CAMKMT: variants seen among roughly 807,000 people sequenced by gnomAD.
CAMKMT encodes the protein CaM KMT.
Under a neutral mutation model 48.0 loss-of-function variants are expected in CAMKMT, and 53 were observed. The ratio of observed to expected loss-of-function variants is 1.10; its 90% CI spans 0.89 to 1.39. The LOEUF (loss-of-function observed/expected upper bound fraction) is 1.39. CAMKMT is among the 40% of genes most tolerant of loss of function. The pLI is 0.00. For missense variants in CAMKMT, 428 were observed against 402.7 expected (o/e 1.06, Z -0.54); for synonymous variants, 165 against 152.3 (o/e 1.08, Z -0.61).
At chr2:44,763,058 C>T (rs766059505) in intron 9 of CAMKMT, among the ~76,000 whole-genome samples, 2 of 152,256 alleles carry the variant, frequency 1.3e-5, no homozygotes, top group East Asian at 1.9e-4. Flanking sequence ...CCCCCTGTGA[C>T]GTGTTCTCTC....
chr2:44,649,763 C>G (rs1220423005), intron 3 of CAMKMT, among the ~76,000 whole-genome samples: 1 of 152,226 alleles, frequency 6.6e-6, no homozygotes, highest in Non-Finnish European at 1.5e-5. Context: ...CATTCCTGCT[C>G]TCCTGTCCTT....
intron 3 of CAMKMT, chr2:44,631,732 C>T: frequency 5.2e-6 from 2 of 381,224 alleles, no homozygotes; most frequent in Non-Finnish European, 9.3e-6. Flanking sequence ...TTTAAGTTTA[C>T]TATCTTGCTA....
intron 3 of CAMKMT, among the ~76,000 whole-genome samples, chr2:44,394,392 T>G (rs1376479122): frequency 6.6e-6 from 1 of 150,526 alleles, no homozygotes; most frequent in African/African-American, 2.5e-5. Context: ...GTGACAGTGG[T>G]GATTTTTGTT....
At chr2:44,627,912 C>A (rs1343935865) in intron 3 of CAMKMT, among the ~76,000 whole-genome samples, 1 of 151,830 alleles carries the variant, frequency 6.6e-6, no homozygotes, top group African/African-American at 2.4e-5. Context: ...GTTGGCCAGG[C>A]TGGTCTCTAA....
chr2:44,452,097 T>G (rs1351951641), intron 3 of CAMKMT, among the ~76,000 whole-genome samples: 2 of 151,984 alleles, frequency 1.3e-5, no homozygotes, highest in South Asian at 2.1e-4. Context: ...TTTAAAAAGC[T>G]AACTTAGGCA....
intron 3 of CAMKMT, among the ~76,000 whole-genome samples, chr2:44,593,947 G>A (rs1279157977): frequency 1.3e-5 from 2 of 151,930 alleles, no homozygotes. Flanking sequence ...ATTTTTAGTA[G>A]GGATGGGGTT....
intron 3 of CAMKMT, among the ~76,000 whole-genome samples, chr2:44,625,642 A>G (rs1672439774): frequency 6.6e-6 from 1 of 152,122 alleles, no homozygotes; most frequent in Non-Finnish European, 1.5e-5. Context: ...TTAAAGCTTT[A>G]GCATTTATGT....
At chr2:44,707,191 A>C (rs926369488) in intron 5 of CAMKMT, among the ~76,000 whole-genome samples, 2 of 152,108 alleles carry the variant, frequency 1.3e-5, no homozygotes, top group African/African-American at 4.8e-5. Flanking sequence ...ATAGCAAGAT[A>C]GAGGCTCCCG....
intron 3 of CAMKMT, among the ~76,000 whole-genome samples, chr2:44,703,757 A>G (rs926867626): frequency 1.4e-5 from 2 of 145,864 alleles, no homozygotes; most frequent in African/African-American, 2.6e-5. Context: ...CAGCCTGGCG[A>G]CAGAGCAAGA....
intron 3 of CAMKMT, among the ~76,000 whole-genome samples, chr2:44,500,785 G>A (rs766068208): frequency 1.0e-4 from 15 of 150,592 alleles, no homozygotes; most frequent in Non-Finnish European, 2.1e-4. Flanking sequence ...GGATTCAAAC[G>A]ATTCTCCTGC....
In CAMKMT at chr2:44,699,744, C is replaced by A. The variant is rs375345136; in HGVS notation, c.377-4539C>A. Among the ~76,000 whole-genome samples, 15 of 152,180 alleles carry A rather than the reference C, an allele frequency of 9.9e-5. No homozygotes were observed. The South Asian group carries it at 2.9e-3, about 30-fold the overall frequency. On this transcript the variant is annotated intron_variant, in intron 3 of 10. Coordinates refer to ENST00000378494, the MANE Select transcript of CAMKMT (RefSeq NM_024766.5). ...TCCTTCCTCGCCCTCCTGAGTAGCCCGATAGGCACCTGCCACTGAGCCAGG... is the reference window on the plus strand; with the variant it reads ...TCCTTCCTCGCCCTCCTGAGTAGCCAGATAGGCACCTGCCACTGAGCCAGG...
intron 6 of CAMKMT, among the ~76,000 whole-genome samples, chr2:44,707,849 G>A (rs1001905827): frequency 2.6e-5 from 4 of 152,108 alleles, no homozygotes; most frequent in African/African-American, 9.7e-5. Flanking sequence ...CCAGCTTCAT[G>A]TTTGTTATTA....
At chr2:44,495,258 C>A (rs888067300) in intron 3 of CAMKMT, among the ~76,000 whole-genome samples, 1 of 152,004 alleles carries the variant, frequency 6.6e-6, no homozygotes, top group Non-Finnish European at 1.5e-5. Flanking sequence ...CTCCTGCCTA[C>A]GCCTCCTGAG....
At chr2:44,747,659 T>A (rs1679977264) in intron 8 of CAMKMT, among the ~76,000 whole-genome samples, 1 of 152,230 alleles carries the variant, frequency 6.6e-6, no homozygotes, top group Non-Finnish European at 1.5e-5. Flanking sequence ...GGTCTTCCTT[T>A]CTGTGGCTAT....
At chr2:44,700,868 T>G (rs1478759478) in intron 3 of CAMKMT, among the ~76,000 whole-genome samples, 1 of 152,202 alleles carries the variant, frequency 6.6e-6, no homozygotes, top group East Asian at 1.9e-4. Context: ...TTTGTAAAAC[T>G]GTAGATATGC....
chr2:44,538,374 A>G (rs1666898020), intron 3 of CAMKMT, among the ~76,000 whole-genome samples: 1 of 45,508 alleles, frequency 2.2e-5, no homozygotes. Flanking sequence ...TCTCAAAAAC[A>G]AAAAAAAAAA....
At position 44,402,028 on chromosome 2, in the gene CAMKMT, T is replaced by A. The variant is rs1157379682; in HGVS notation, c.376+11723T>A. Among the ~76,000 whole-genome samples the A allele has an allele frequency of 3.3e-5, 5 of 152,276 alleles. No individual in the cohort carries two copies. The East Asian group carries it at 9.6e-4, about 29-fold the overall frequency. On this transcript the variant is annotated intron_variant, in intron 3 of 10. Coordinates refer to ENST00000378494, the MANE Select transcript of CAMKMT (RefSeq NM_024766.5). Reference sequence around the variant, plus strand: ...GAGAACTTGTGATACTTTGGTTGGATATAAAATGATAGAATTGGCCGGGCG... The same window carrying A: ...GAGAACTTGTGATACTTTGGTTGGAAATAAAATGATAGAATTGGCCGGGCG...
At chr2:44,622,827 T>TA (rs1672274318) in intron 3 of CAMKMT, among the ~76,000 whole-genome samples, 2 of 152,210 alleles carry the variant, frequency 1.3e-5, no homozygotes, top group Admixed American at 6.5e-5. Flanking sequence ...GGTAGAATGA[T>TA]TATATTCCTT....
chr2:44,726,992 C>A lies in CAMKMT; in HGVS notation c.623+11639C>A, dbSNP rs1465754739. On this transcript the variant is annotated intron_variant, in intron 7 of 10. Coordinates refer to ENST00000378494, the MANE Select transcript of CAMKMT (RefSeq NM_024766.5). ...ATTGGTCTATGTGTCTATTTTTATA[C>A]CAGTACCAAGCTGTTTTGGTGACTA... Among the ~76,000 whole-genome samples the A allele has an allele frequency of 2.0e-5, 3 of 152,252 alleles. No homozygotes were observed. The South Asian group carries it at 6.2e-4, about 32-fold the overall frequency.
Sources: gnomAD v4.1 joint callset for allele counts (sites outside exome capture counted in the v4.1 genomes callset) on GRCh38, gnomAD v4.1.1 for gene constraint, MANE v1.5 for transcripts, NCBI Gene and HGNC (gene_info 2026-07-23, HGNC 2026-07-21) for gene names.